EYS: variants seen among roughly 807,000 people sequenced by gnomAD.
EYS encodes protein eyes shut homolog.
Under a neutral mutation model 282.1 loss-of-function variants are expected in EYS, and 250 were observed. That is an observed-to-expected ratio of 0.89 (90% CI 0.80 to 0.98). EYS has a LOEUF of 0.98. EYS is among the 50% of genes least tolerant of loss of function. The probability of loss-of-function intolerance (pLI) is 0.00; values close to 1 mark genes in which losing one functional copy is unlikely to be tolerated. For synonymous variants in EYS, 1,355 were observed against 1,282.9 expected (o/e 1.06, Z -1.20); for missense variants, 4,016 against 3,709.0 (o/e 1.08, Z -2.15).
chr6:64,547,049 C>T (rs559119578), intron 26 of EYS, among the ~76,000 whole-genome samples: 6 of 152,102 alleles, frequency 3.9e-5, no homozygotes, highest in East Asian at 1.9e-4. Context: ...GATGTTCGGA[C>T]GTATTCGGAA....
At chr6:63,857,067 TGAAC>T (rs1772412187) in intron 36 of EYS, among the ~76,000 whole-genome samples, 1 of 152,264 alleles carries the variant, frequency 6.6e-6, no homozygotes, top group African/African-American at 2.4e-5. Context: ...AGTTTCTTAC[TGAAC>T]ATTTCCAGGC....
intron 26 of EYS, among the ~76,000 whole-genome samples, chr6:64,451,020 A>G (rs956991682): frequency 6.6e-6 from 1 of 152,208 alleles, no homozygotes; most frequent in Non-Finnish European, 1.5e-5. Context: ...GCAGAACTGA[A>G]GGAAATAGAG....
At chr6:65,590,840 T>C (rs1765205909) in intron 2 of EYS, among the ~76,000 whole-genome samples, 1 of 152,012 alleles carries the variant, frequency 6.6e-6, no homozygotes, top group Non-Finnish European at 1.5e-5. Flanking sequence ...TAATATTACA[T>C]TGGGTAAATA....
chr6:65,697,352 T>C lies in EYS; in HGVS notation c.-448+9783A>G, dbSNP rs539093780. Reference sequence around the variant, plus strand: ...ATCAAAGTCACTTTTACATTAAGTGTTTACTGCAGGCATGCTTTACAATGT... The same window carrying C: ...ATCAAAGTCACTTTTACATTAAGTGCTTACTGCAGGCATGCTTTACAATGT... On this transcript the variant is annotated intron_variant, in intron 1 of 42. Coordinates refer to ENST00000503581, the MANE Select transcript of EYS (RefSeq NM_001142800.2). 1.0e-3 allele frequency among the ~76,000 whole-genome samples: 158 copies of C among 152,182 alleles called. 1 individual carries two copies. Among genetic ancestry groups the C allele is most frequent in the South Asian group, 2.7e-3 (13 of 4,820 alleles).
chr6:64,092,977 G>A (rs1562196582), intron 31 of EYS, among the ~76,000 whole-genome samples: 1 of 151,360 alleles, frequency 6.6e-6, no homozygotes, highest in Non-Finnish European at 1.5e-5. Flanking sequence ...CATATGGCTA[G>A]CCAGTTTTCC....
intron 26 of EYS, among the ~76,000 whole-genome samples, chr6:64,569,839 G>C (rs1352459065): frequency 6.6e-6 from 1 of 152,174 alleles, no homozygotes; most frequent in Admixed American, 6.5e-5. Flanking sequence ...CTGAAAGTGA[G>C]GGGGAGAATG....
chr6:64,041,682 G>C (rs556116138), intron 33 of EYS, among the ~76,000 whole-genome samples: 2 of 152,288 alleles, frequency 1.3e-5, no homozygotes, highest in South Asian at 4.1e-4. Flanking sequence ...ATTTCCCTAT[G>C]TGGGATGGAA....
At chr6:64,143,862 G>A (rs1331095299) in intron 31 of EYS, among the ~76,000 whole-genome samples, 1 of 152,184 alleles carries the variant, frequency 6.6e-6, no homozygotes, top group African/African-American at 2.4e-5. Context: ...GAACATAAAG[G>A]ATATTTATGA....
chr6:64,402,825 T>C (rs1180872931), intron 28 of EYS, among the ~76,000 whole-genome samples: 2 of 152,240 alleles, frequency 1.3e-5, no homozygotes, highest in Non-Finnish European at 2.9e-5. Context: ...ACCTTCTTTT[T>C]CCTTTTGTGT....
At chr6:64,755,520 AC>A (rs1772907844) in intron 22 of EYS, among the ~76,000 whole-genome samples, 1 of 151,756 alleles carries the variant, frequency 6.6e-6, no homozygotes, top group South Asian at 2.1e-4. Context: ...ACACACACAC[AC>A]ACACACACAC....
At chr6:65,099,450 TAGAG>T (rs920767057) in intron 12 of EYS, among the ~76,000 whole-genome samples, 1 of 150,672 alleles carries the variant, frequency 6.6e-6, no homozygotes, top group African/African-American at 2.4e-5. Context: ...CTGTTTCAAA[TAGAG>T]AGAAGAATAA....
At chr6:64,819,967 A>G (rs568385205) in intron 21 of EYS, among the ~76,000 whole-genome samples, 3 of 152,200 alleles carry the variant, frequency 2.0e-5, no homozygotes, top group African/African-American at 7.2e-5. Context: ...CTTGATAGTA[A>G]CCTAGGAAAA....
chr6:65,334,869 C>T (rs1769923542), intron 11 of EYS, 111 bp downstream of exon 11: 2 of 974,346 alleles, frequency 2.1e-6, no homozygotes, highest in Admixed American at 1.9e-5. Context: ...ATGGAAATTC[C>T]AATCATTTTA....
intron 35 of EYS, among the ~76,000 whole-genome samples, chr6:63,919,449 G>A (rs1764510586): frequency 6.7e-6 from 1 of 148,186 alleles, no homozygotes; most frequent in Non-Finnish European, 1.5e-5. Context: ...ACTGGATAAA[G>A]GTATAATTTC....
intron 32 of EYS, among the ~76,000 whole-genome samples, chr6:64,068,434 AT>A (rs1771454748): frequency 2.3e-5 from 3 of 132,498 alleles, no homozygotes; most frequent in Non-Finnish European, 4.6e-5. Context: ...TAAATTCTTA[AT>A]TTTAGTGTAA....
chr6:64,853,727 T>C (rs1765958635), intron 19 of EYS, among the ~76,000 whole-genome samples: 3 of 152,058 alleles, frequency 2.0e-5, no homozygotes, highest in Non-Finnish European at 2.9e-5. Flanking sequence ...CCAAAAGCAA[T>C]GGCAACAAAA....
intron 12 of EYS, among the ~76,000 whole-genome samples, chr6:65,066,702 A>G (rs1773755466): frequency 6.6e-6 from 1 of 152,184 alleles, no homozygotes; most frequent in East Asian, 1.9e-4. Flanking sequence ...AGCTATCTAA[A>G]TTGGTTAGAT....
intron 15 of EYS, among the ~76,000 whole-genome samples, chr6:64,922,965 A>G (rs1583296838): frequency 6.6e-6 from 1 of 152,142 alleles, no homozygotes; most frequent in Non-Finnish European, 1.5e-5. Flanking sequence ...CAGTATTACT[A>G]TGCTGATTTT....
In EYS at chr6:64,064,412, G is replaced by A. The variant is rs115563952; in HGVS notation, c.6725+1926C>T. On this transcript the variant is annotated intron_variant, in intron 33 of 42. Transcript: ENST00000503581. ...ATGCTTAGCAGATGAGCACTCAACAGTTTTAAATTAATGATATATAATATG... is the reference window on the plus strand; with the variant it reads ...ATGCTTAGCAGATGAGCACTCAACAATTTTAAATTAATGATATATAATATG... 2.9e-3 allele frequency among the ~76,000 whole-genome samples: 437 copies of A among 152,248 alleles called. 2 individuals are homozygous for A. Among genetic ancestry groups the A allele is most frequent in the African/African-American group, 0.01 (419 of 41,540 alleles).
Sources: allele counts gnomAD v4.1 joint callset (sites outside exome capture counted in the v4.1 genomes callset), GRCh38; gene constraint gnomAD v4.1.1; transcripts MANE v1.5; gene names NCBI Gene and HGNC (gene_info 2026-07-23, HGNC 2026-07-21).